The following USP31 variants were observed in gnomAD, a reference collection of about 807,000 sequenced individuals.
USP31 encodes ubiquitin carboxyl-terminal hydrolase 31.
USP31 carries 44 observed loss-of-function variants against 119.4 expected under a neutral mutation model. That is an observed-to-expected ratio of 0.37 (90% CI 0.29 to 0.47). USP31 has a LOEUF of 0.47. Among genes scored for constraint, USP31 ranks in the 20% least tolerant of loss-of-function variants. USP31 has a pLI of 0.99. For synonymous variants in USP31, 749 were observed against 705.6 expected, an observed-to-expected ratio of 1.06 and a Z score of -0.97; for missense variants, 1,643 against 1,730.2, an observed-to-expected ratio of 0.95 and a Z score of 0.89.
At chr16:23,143,584 T>G in intron 1 of USP31, among the ~76,000 whole-genome samples, 12 of 111,256 alleles carry the variant, frequency 1.1e-4, no homozygotes, top group African/African-American at 2.2e-4. Context: ...GAGGGAGAGG[T>G]TGGGGGGGGG....
intron 5 of USP31, among the ~76,000 whole-genome samples, chr16:23,104,716 T>C (rs1259734924): frequency 1.3e-5 from 2 of 152,224 alleles, no homozygotes; most frequent in Non-Finnish European, 2.9e-5. Flanking sequence ...AGCTACTATC[T>C]AGGGAAAGCA....
chr16:23,108,263 G>A, intron 1 of USP31, 80 bp from the exon 2 acceptor site: 2 of 1,506,662 alleles, frequency 1.3e-6, no homozygotes, highest in Non-Finnish European at 1.8e-6. Context: ...AATCGCAAAA[G>A]GGATGCAAGA....
At chr16:23,140,946 C>T (rs1903335925) in intron 1 of USP31, among the ~76,000 whole-genome samples, 1 of 152,158 alleles carries the variant, frequency 6.6e-6, no homozygotes, top group South Asian at 2.1e-4. Context: ...ATCCACTTCT[C>T]CACCTCCCTC....
intron 1 of USP31, among the ~76,000 whole-genome samples, chr16:23,140,776 C>G (rs1365583556): frequency 2.0e-5 from 3 of 152,180 alleles, no homozygotes; most frequent in Non-Finnish European, 4.4e-5. Flanking sequence ...TCCTTCTCCT[C>G]AAATAGGTAT....
At chr16:23,099,625 T>C (rs1490378615) in intron 6 of USP31, among the ~76,000 whole-genome samples, 2 of 152,174 alleles carry the variant, frequency 1.3e-5, no homozygotes, top group South Asian at 2.1e-4. Context: ...GACTTTGGAT[T>C]TGATAAAGTG....
rs954232024 is a variant in USP31 at position 23,069,251 on chromosome 16, C to T, written c.2854G>A (p.Glu952Lys). The T allele has an allele frequency of 2.5e-6, 4 of 1,613,940 alleles. No homozygotes were observed. Among genetic ancestry groups the T allele is most frequent in the African/African-American group, 1.3e-5 (1 of 75,058 alleles). The change falls in exon 16 of 16, where the codon GAA (glutamate) becomes AAA (lysine). Residue 952 changes from glutamate to lysine, a missense_variant. Coordinates refer to ENST00000219689, the MANE Select transcript of USP31 (RefSeq NM_020718.4). ...LAVMEGVFKD[E>K]SDTRRLNSSV... Reference sequence around the variant, plus strand: ...GAGTTCAATCTGCGGGTGTCCGATTCGTCTTTGAACACGCCTTCCATGACA... The same window carrying T: ...GAGTTCAATCTGCGGGTGTCCGATTTGTCTTTGAACACGCCTTCCATGACA...
intron 13 of USP31, among the ~76,000 whole-genome samples, chr16:23,076,309 A>C (rs1022210792): frequency 3.1e-4 from 47 of 152,222 alleles, no homozygotes; most frequent in Admixed American, 1.0e-3. Flanking sequence ...AAAAAAGAAA[A>C]AACTTAAAAA....
At chr16:23,136,106 A>G (rs1903181554) in intron 1 of USP31, among the ~76,000 whole-genome samples, 1 of 152,230 alleles carries the variant, frequency 6.6e-6, no homozygotes, top group Non-Finnish European at 1.5e-5. Flanking sequence ...GGGAAAGCAC[A>G]ATTTTGTCAA....
Position 23,072,269 on chromosome 16 carries a change from A to C in USP31, c.2336-72T>G, listed in dbSNP as rs774427299. ...CCAGCCCTGAGCCACACACACCCTC[A>C]TGAAGGTGTTACGAGCTGAGCTGGG... On this transcript the variant is annotated intron_variant, in intron 14 of 15. Transcript: ENST00000219689. 2.6e-6 allele frequency: 4 copies of C among 1,547,874 alleles called. No homozygotes were observed. The South Asian group carries it at 4.7e-5, about 18-fold the overall frequency.
In USP31 at chr16:23,084,778, TG is replaced by T. The variant is rs1901021703; in HGVS notation, c.1830+81del. 3.8e-5 allele frequency: 59 copies of T among 1,569,564 alleles called. No homozygotes were observed. The South Asian group carries it at 5.5e-4, about 15-fold the overall frequency. The stretch of plus-strand genomic sequence containing the variant: ...AAATCCTGCGGCGACTTCTGGGGCG[TG>T]ATTTGTTTCTCCACTATCACCTTGC... On this transcript the variant is annotated intron_variant, in intron 11 of 15. Coordinates refer to ENST00000219689, the MANE Select transcript of USP31 (RefSeq NM_020718.4).
At chr16:23,085,559 T>G (rs749010439) in intron 10 of USP31, 26 bp downstream of exon 10, 17 of 1,586,610 alleles carry the variant, frequency 1.1e-5, no homozygotes, top group Non-Finnish European at 1.5e-5. Flanking sequence ...AATGTTTCTA[T>G]AAACACTAAC....
At chr16:23,082,332 A>T in intron 12 of USP31, 106 bp downstream of exon 12, 1 of 1,451,322 alleles carries the variant, frequency 6.9e-7, no homozygotes, top group South Asian at 1.3e-5. Context: ...GACAGGACTC[A>T]CTGGATCAAA....
intron 15 of USP31, among the ~76,000 whole-genome samples, chr16:23,070,101 G>GA: frequency 6.6e-6 from 1 of 152,240 alleles, no homozygotes; most frequent in Non-Finnish European, 1.5e-5. Flanking sequence ...GGGCAAGTGT[G>GA]ACGATTAAAT....
rs4597335 is a variant in USP31, at chr16:23,087,118, C to G, written c.1596G>C (p.Gln532His). ...GITYLLPQEE[Q>H]PLCHPIVERA... The stretch of plus-strand genomic sequence containing the variant: ...TTTCTACTATTGGGTGGCACAAGGG[C>G]TGCTCCTCCTGGGGCAGCAAATATG... Residue 532 changes from glutamine (Q) to histidine (H), a missense_variant, in exon 9 of 16, where the codon CAG becomes CAC. Physicochemically the swap from Gln to His is conservative, Grantham distance 24 (BLOSUM62 0). Around this residue, in one of 5 missense-constraint regions of USP31, gnomAD observed 219 missense variants for 226.4 expected, o/e 0.97. Transcript: ENST00000219689. 1.2e-6 allele frequency: 2 copies of G among 1,613,586 alleles called. No individual in the cohort carries two copies. Among genetic ancestry groups the G allele is most frequent in the Admixed American group, 3.3e-5 (2 of 59,954 alleles).
At chr16:23,074,963 C>A (rs1900501142) in intron 13 of USP31, among the ~76,000 whole-genome samples, 1 of 152,006 alleles carries the variant, frequency 6.6e-6, no homozygotes, top group Admixed American at 6.6e-5. Flanking sequence ...TCAGGATGGC[C>A]CCAGGGATGG....
Position 23,149,442 on chromosome 16 carries a change from G to GGC in USP31, c.-174_-173dup, listed in dbSNP as rs1182101524. ...CGAGCGGCGGCCGGCGGGGCCAGCGGGCGCGCGCGCGGTCCGCCCAGCTGA... is the reference window on the plus strand; with the variant it reads ...CGAGCGGCGGCCGGCGGGGCCAGCGGGCGCGCGCGCGCGGTCCGCCCAGCTGA... On this transcript the variant is annotated 5_prime_UTR_variant, in exon 1 of 16. Transcript: ENST00000219689. Among the ~76,000 whole-genome samples the GGC allele has an allele frequency of 4.7e-5, 7 of 148,376 alleles. No individual in the cohort carries two copies. In the East Asian group the frequency reaches 7.9e-4, roughly 17 times the overall value.
intron 1 of USP31, among the ~76,000 whole-genome samples, chr16:23,136,001 CATATAAATCAATGGA>C (rs1903177213): frequency 6.6e-6 from 1 of 152,134 alleles, no homozygotes; most frequent in African/African-American, 2.4e-5. Context: ...TAAAAACGGA[CATATAAATCAATGGA>C]ATAGAACACA....
At chr16:23,105,301 T>A in intron 5 of USP31, 140 bp downstream of exon 5, 1 of 1,115,974 alleles carries the variant, frequency 9.0e-7, no homozygotes, top group African/African-American at 1.6e-5. Flanking sequence ...GGGGCCTTGA[T>A]TTTTTTCCCT....
chr16:23,130,592 C>T (rs1902998570), intron 1 of USP31, among the ~76,000 whole-genome samples: 1 of 152,152 alleles, frequency 6.6e-6, no homozygotes, highest in South Asian at 2.1e-4. Flanking sequence ...AATGCTTTCT[C>T]TCAAAGCAAT....
Sources: allele counts gnomAD v4.1 joint callset (sites outside exome capture counted in the v4.1 genomes callset), GRCh38; gene constraint gnomAD v4.1.1; regional missense constraint gnomAD v4.1.1; transcripts MANE v1.5; gene names NCBI Gene and HGNC (gene_info 2026-07-23, HGNC 2026-07-21).